Variants in ADAMTSL1 observed in about 807,000 individuals in gnomAD.
ADAMTSL1 encodes ADAMTS-like protein 1.
A neutral mutation model predicts 201.8 loss-of-function variants in ADAMTSL1; 126 were observed. The observed-to-expected ratio is 0.62, with a 90% CI of 0.54 to 0.72. The LOEUF (loss-of-function observed/expected upper bound fraction) is 0.72. ADAMTSL1 is among the 30% of genes least tolerant of loss of function. The pLI is 0.00. For missense variants in ADAMTSL1, 2,679 were observed against 2,277.8 expected, an observed-to-expected ratio of 1.18 and a Z score of -3.59; for synonymous variants, 1,121 against 903.4, an observed-to-expected ratio of 1.24 and a Z score of -4.32.
At chr9:18,711,198 G>A (rs1564171061) in intron 14 of ADAMTSL1, among the ~76,000 whole-genome samples, 1 of 152,308 alleles carries the variant, frequency 6.6e-6, no homozygotes, top group East Asian at 1.9e-4. Flanking sequence ...TGTTCCTTAT[G>A]TAAACAGAAA....
At chr9:18,599,684 C>G (rs1394450356) in intron 4 of ADAMTSL1, among the ~76,000 whole-genome samples, 1 of 151,192 alleles carries the variant, frequency 6.6e-6, no homozygotes, top group Non-Finnish European at 1.5e-5. Context: ...ACTAGCAATG[C>G]TCCAGCCAGA....
At chr9:18,653,585 G>C (rs943792452) in intron 7 of ADAMTSL1, among the ~76,000 whole-genome samples, 1 of 148,776 alleles carries the variant, frequency 6.7e-6, no homozygotes, top group African/African-American at 2.5e-5. Flanking sequence ...AGACTAGCCT[G>C]GGCAACTTAG....
At chr9:18,425,719 G>T (rs1188747821) in intron 2 of ADAMTSL1, among the ~76,000 whole-genome samples, 1 of 151,840 alleles carries the variant, frequency 6.6e-6, no homozygotes, top group Non-Finnish European at 1.5e-5. Context: ...TAGCTGAGCA[G>T]GTGGTGCATA....
chr9:18,513,643 A>G (rs779454107), intron 2 of ADAMTSL1, among the ~76,000 whole-genome samples: 7 of 152,170 alleles, frequency 4.6e-5, no homozygotes, highest in Non-Finnish European at 8.8e-5. Flanking sequence ...ATTTAAGTCT[A>G]TAGTCCATTT....
chr9:17,928,812 A>G (rs1826660335), intron 1 of ADAMTSL1, among the ~76,000 whole-genome samples: 1 of 152,202 alleles, frequency 6.6e-6, no homozygotes, highest in South Asian at 2.1e-4. Flanking sequence ...AAGGAGGTCA[A>G]ATGTGAATCA....
intron 1 of ADAMTSL1, among the ~76,000 whole-genome samples, chr9:18,479,657 C>G (rs372902623): frequency 5.3e-5 from 8 of 152,186 alleles, no homozygotes; most frequent in Non-Finnish European, 1.2e-4. Flanking sequence ...TCTTACTTAT[C>G]TTACACTTCT....
intron 1 of ADAMTSL1, among the ~76,000 whole-genome samples, chr9:18,074,928 C>T (rs1823148838): frequency 6.6e-6 from 1 of 152,330 alleles, no homozygotes; most frequent in East Asian, 1.9e-4. Context: ...AAAGGGAATG[C>T]TGTCATCAGC....
intron 2 of ADAMTSL1, among the ~76,000 whole-genome samples, chr9:18,223,879 C>T (rs987965569): frequency 1.1e-4 from 16 of 151,866 alleles, no homozygotes; most frequent in African/African-American, 2.9e-4. Context: ...CTGGGTTTAA[C>T]GTGTGTTCCT....
chr9:18,478,171 C>A (rs537178822), intron 1 of ADAMTSL1, among the ~76,000 whole-genome samples: 1 of 152,110 alleles, frequency 6.6e-6, no homozygotes, highest in Non-Finnish European at 1.5e-5. Context: ...TTCTATCCTA[C>A]TAACAATATT....
chr9:18,822,242 C>T (rs891841933), intron 21 of ADAMTSL1, among the ~76,000 whole-genome samples: 2 of 152,138 alleles, frequency 1.3e-5, no homozygotes, highest in Admixed American at 6.5e-5. Context: ...TTTGCTGTCA[C>T]ACTACAGCAG....
At chr9:18,807,001 A>G (rs4977447) in intron 20 of ADAMTSL1, among the ~76,000 whole-genome samples, 33,063 of 152,090 alleles carry the variant, frequency 0.22, 4,294 homozygotes, top group East Asian at 0.34. Flanking sequence ...CAGGAACTAT[A>G]ATCCAAAAGC....
intron 1 of ADAMTSL1, among the ~76,000 whole-genome samples, chr9:18,009,364 T>C (rs547095034): frequency 6.6e-6 from 1 of 152,140 alleles, no homozygotes; most frequent in Admixed American, 6.6e-5. Context: ...TCACTTCTAA[T>C]AGAAACCTAA....
chr9:17,972,682 A>G (rs1463884038), intron 1 of ADAMTSL1, among the ~76,000 whole-genome samples: 2 of 151,488 alleles, frequency 1.3e-5, no homozygotes, highest in South Asian at 4.2e-4. Flanking sequence ...TATACCCAGT[A>G]ATGGGATGGC....
chr9:18,644,358 C>G (rs1266262772), intron 7 of ADAMTSL1, among the ~76,000 whole-genome samples: 1 of 150,196 alleles, frequency 6.7e-6, no homozygotes, highest in Non-Finnish European at 1.5e-5. Flanking sequence ...GTCAGTATCT[C>G]CATGGAATTT....
chr9:18,134,295 T>G (rs1826068666), intron 1 of ADAMTSL1, among the ~76,000 whole-genome samples: 2 of 152,182 alleles, frequency 1.3e-5, no homozygotes, highest in South Asian at 2.1e-4. Context: ...TTTGAACTTC[T>G]GCAGAGGCAA....
At chr9:18,558,272 T>C (rs967336951) in intron 3 of ADAMTSL1, among the ~76,000 whole-genome samples, 2 of 152,186 alleles carry the variant, frequency 1.3e-5, no homozygotes, top group African/African-American at 4.8e-5. Context: ...TGGTTTTCTG[T>C]TCTTGTGTTA....
chr9:18,723,351 T>TA, intron 15 of ADAMTSL1: 1 of 486,970 alleles, frequency 2.1e-6, no homozygotes. Flanking sequence ...ATTCCTGTGT[T>TA]GTAACAACAC....
intron 23 of ADAMTSL1, among the ~76,000 whole-genome samples, chr9:18,841,907 G>A (rs140124048): frequency 3.0e-4 from 45 of 151,694 alleles, no homozygotes; most frequent in Middle Eastern, 3.4e-3. Flanking sequence ...TTTTTATTGC[G>A]TCTATTTGAT....
chr9:18,745,663 T>C (rs1819101109), intron 15 of ADAMTSL1, among the ~76,000 whole-genome samples: 1 of 152,200 alleles, frequency 6.6e-6, no homozygotes, highest in African/African-American at 2.4e-5. Context: ...CACATATATG[T>C]ATAGTTGTAT....
Sources: gnomAD v4.1 joint callset for allele counts (sites outside exome capture counted in the v4.1 genomes callset) on GRCh38, gnomAD v4.1.1 for gene constraint, MANE v1.5 for transcripts, NCBI Gene and HGNC (gene_info 2026-07-23, HGNC 2026-07-21) for gene names.